TOP1: variants seen among roughly 807,000 people sequenced by gnomAD.
TOP1 encodes the protein DNA topoisomerase 1.
Under a neutral mutation model 111.1 loss-of-function variants are expected in TOP1, and 10 were observed. The ratio of observed to expected loss-of-function variants is 0.09; its 90% CI spans 0.06 to 0.15. The LOEUF is 0.15. TOP1 is among the 10% of genes least tolerant of loss of function. The pLI, the probability that TOP1 is intolerant of heterozygous loss-of-function variation, is 1.00. For synonymous variants in TOP1, 271 were observed against 302.9 expected (o/e 0.89, Z 1.10); for missense variants, 474 against 926.7 (o/e 0.51, Z 6.34).
rs901175602 is a variant in TOP1, at chr20:41,071,167, A to T, written c.156-5004A>T. ...GAAACAGTGCTTCGCCAGAAGGGAG[A>T]CATTGTTCCCTACTGGCTCCCTACT... is the stretch of plus-strand genomic sequence containing the variant. On this transcript the variant is annotated intron_variant, in intron 3 of 20. Coordinates refer to ENST00000361337, the MANE Select transcript of TOP1 (RefSeq NM_003286.4). This position sits in a 1 kb window ranked among gnomAD's most constrained non-coding sequence, Gnocchi z 4.3. Among the ~76,000 whole-genome samples the T allele has an allele frequency of 2.6e-5, 4 of 151,874 alleles. No individual in the cohort carries two copies. Among genetic ancestry groups the T allele is most frequent in the African/African-American group, 9.7e-5 (4 of 41,296 alleles).
At chr20:41,089,315 C>G (rs771143895) in intron 8 of TOP1, among the ~76,000 whole-genome samples, 1 of 152,112 alleles carries the variant, frequency 6.6e-6, no homozygotes, top group African/African-American at 2.4e-5. Context: ...CGTGAGCCAC[C>G]GTGCCCAGCC....
intron 9 of TOP1, among the ~76,000 whole-genome samples, chr20:41,096,776 A>G (rs867421841): frequency 3.9e-5 from 6 of 152,184 alleles, no homozygotes; most frequent in Non-Finnish European, 8.8e-5. Flanking sequence ...TTTCCCCACA[A>G]TTCCTTTCTT....
In TOP1 at chr20:41,123,362, A is replaced by G; in HGVS notation, c.*65A>G. On this transcript the variant is annotated 3_prime_UTR_variant, in exon 21 of 21. Coordinates refer to ENST00000361337, the MANE Select transcript of TOP1 (RefSeq NM_003286.4). The surrounding 1 kb of genome is among the most constrained non-coding windows in gnomAD (Gnocchi z 5.8). ...TGGTTTGGGAAAGATGGATAAACTG[A>G]GCCTCACTTGCCCTCGTGCCTGGGG... 1.6e-6 allele frequency: 2 copies of G among 1,237,324 alleles called. 1 individual carries two copies. The highest frequency in any genetic ancestry group is 2.5e-5 in the South Asian group (2 of 80,302). The allele number at this position is 1,237,324 out of a possible 1,614,324, so 76.6% of individuals were successfully genotyped here. A position where few individuals can be genotyped will look rare whatever the true frequency, so the allele number is the denominator to read the frequency against.
intron 17 of TOP1, among the ~76,000 whole-genome samples, chr20:41,117,297 C>T (rs1000191089): frequency 2.7e-5 from 4 of 150,792 alleles, no homozygotes; most frequent in Non-Finnish European, 4.4e-5. Flanking sequence ...ACCATACCAC[C>T]GCACTCCAGC....
Position 41,028,917 on chromosome 20 carries a change from C to A in TOP1, c.-151C>A. On this transcript the variant is annotated 5_prime_UTR_variant, in exon 1 of 21. Transcript: ENST00000361337. Reference sequence around the variant, plus strand: ...GTCGCCGCCGTGGTAGCAGCCTCAGCCGTTTCTGGAGTCTCGGGCCCACAG... The same window carrying A: ...GTCGCCGCCGTGGTAGCAGCCTCAGACGTTTCTGGAGTCTCGGGCCCACAG... 1.6e-6 allele frequency: 1 copy of A among 622,226 alleles called. No individual in the cohort carries two copies. Among genetic ancestry groups the A allele is most frequent in the Non-Finnish European group, 2.8e-6 (1 of 362,270 alleles). 38.5% of individuals were successfully genotyped at this position (622,226 alleles called of 1,614,324 possible).
intron 2 of TOP1, among the ~76,000 whole-genome samples, chr20:41,042,565 C>T (rs1164378335): frequency 6.6e-6 from 1 of 152,216 alleles, no homozygotes; most frequent in Non-Finnish European, 1.5e-5. Context: ...GTGGAGCTCA[C>T]TGCCTTTAGA....
intron 3 of TOP1, chr20:41,073,098 T>C: frequency 1.0e-6 from 1 of 985,374 alleles, no homozygotes; most frequent in Non-Finnish European, 1.2e-6. Flanking sequence ...TCATTTGCCT[T>C]GTCATTTGTT....
At position 41,029,538 on chromosome 20, in the gene TOP1, C is replaced by T. The variant is rs1220664143; in HGVS notation, c.58+83C>T. 9.0e-7 allele frequency: 1 copy of T among 1,116,026 alleles called. No homozygotes were observed. Among genetic ancestry groups the T allele is most frequent in the East Asian group, 2.6e-5 (1 of 38,770 alleles). The allele number at this position is 1,116,026 out of a possible 1,614,324, so 69.1% of individuals were successfully genotyped here. ...CGCCCTGCCGGTGCCGGGCAGAGGACAGACATGGCGTCCCAGAGACTAAGT... is the reference window on the plus strand; with the variant it reads ...CGCCCTGCCGGTGCCGGGCAGAGGATAGACATGGCGTCCCAGAGACTAAGT... On this transcript the variant is annotated intron_variant, in intron 2 of 20. Transcript: ENST00000361337. The surrounding 1 kb of genome is among the most constrained non-coding windows in gnomAD (Gnocchi z 6.1).
rs773155066 is a variant in TOP1, at chr20:41,061,399, CATAAACACAAAG to C, written c.79_90del (p.Lys27_Asp30del). The C allele has an allele frequency of 1.5e-5, 24 of 1,613,470 alleles. No homozygotes were observed. Among genetic ancestry groups the C allele is most frequent in the African/African-American group, 2.7e-5 (2 of 74,878 alleles). ...CTCATCTCTTATGGTTGCAGATTCT[CATAAACACAAAG>C]ATAAACACAAAGATCGAGAACACCG... is the stretch of plus-strand genomic sequence containing the variant. On this transcript the variant is annotated inframe_deletion, in exon 3 of 21. Coordinates refer to ENST00000361337, the MANE Select transcript of TOP1 (RefSeq NM_003286.4). The surrounding 1 kb of genome is among the most constrained non-coding windows in gnomAD (Gnocchi z 4.6).
Position 41,112,638 on chromosome 20 carries a change from C to A in TOP1, c.1309-144C>A. The stretch of plus-strand genomic sequence containing the variant: ...CTTGGCTCACTGCAACCTCTGCCTC[C>A]TGCGTTCAAGCAATTCTTGTGTCTT... On this transcript the variant is annotated intron_variant, in intron 13 of 20. Coordinates refer to ENST00000361337, the MANE Select transcript of TOP1 (RefSeq NM_003286.4). This position sits in a 1 kb window ranked among gnomAD's most constrained non-coding sequence, Gnocchi z 5.8. 1 of 823,748 alleles carries A rather than the reference C, an allele frequency of 1.2e-6. No individual in the cohort carries two copies. Among genetic ancestry groups the A allele is most frequent in the Non-Finnish European group, 1.9e-6 (1 of 530,196 alleles). The allele number at this position is 823,748 out of a possible 1,614,324, so 51.0% of individuals were successfully genotyped here. A position where few individuals can be genotyped will look rare whatever the true frequency, so the allele number is the denominator to read the frequency against.
rs1181777004 is a variant in TOP1 at position 41,028,896 on chromosome 20, C to G, written c.-172C>G. The G allele has an allele frequency of 1.4e-5, 8 of 573,152 alleles. No individual in the cohort carries two copies. The highest frequency in any genetic ancestry group is 6.0e-5 in the African/African-American group (3 of 50,346). The allele number at this position is 573,152 out of a possible 1,614,324, so 35.5% of individuals were successfully genotyped here. On this transcript the variant is annotated 5_prime_UTR_variant, in exon 1 of 21. Coordinates refer to ENST00000361337, the MANE Select transcript of TOP1 (RefSeq NM_003286.4). ...CCCGCCCGGCAGTCAGGCAGCGTCG[C>G]CGCCGTGGTAGCAGCCTCAGCCGTT...
rs1568688237 is a variant in TOP1 at position 41,080,567 on chromosome 20, GT to G, written c.431+388del. Reference sequence around the variant, plus strand: ...CAGACATTCTAAGTGAAGTTTCAGTGTGTAAAAATAATAAAACTGCTCATAA... The same window carrying G: ...CAGACATTCTAAGTGAAGTTTCAGTGGTAAAAATAATAAAACTGCTCATAA... On this transcript the variant is annotated intron_variant, in intron 6 of 20. Transcript: ENST00000361337. The surrounding 1 kb of genome is among the most constrained non-coding windows in gnomAD (Gnocchi z 5.0). Among the ~76,000 whole-genome samples, 2 of 152,266 alleles carry G rather than the reference GT, an allele frequency of 1.3e-5. No homozygotes were observed. Among genetic ancestry groups the G allele is most frequent in the East Asian group, 3.9e-4 (2 of 5,190 alleles).
At chr20:41,040,327 A>G (rs2033245885) in intron 2 of TOP1, among the ~76,000 whole-genome samples, 1 of 152,258 alleles carries the variant, frequency 6.6e-6, no homozygotes, top group Non-Finnish European at 1.5e-5. Flanking sequence ...TGCCTTAATC[A>G]TACAGTCAGT....
Position 41,076,159 on chromosome 20 carries a change from A to C in TOP1, c.156-12A>C. 1 of 1,605,126 alleles carries C rather than the reference A, an allele frequency of 6.2e-7. No homozygotes were observed. Among genetic ancestry groups the C allele is most frequent in the Non-Finnish European group, 8.5e-7 (1 of 1,176,828 alleles). ...ACTCTGGGCTAACGCTTTGTGACTT[A>C]ACTTTTTACAGTGAACATAAAGATT... is the stretch of plus-strand genomic sequence containing the variant. On this transcript the variant is annotated splice_polypyrimidine_tract_variant and intron_variant, in intron 3 of 20. Coordinates refer to ENST00000361337, the MANE Select transcript of TOP1 (RefSeq NM_003286.4).
intron 2 of TOP1, among the ~76,000 whole-genome samples, chr20:41,044,641 GC>G (rs1438017172): frequency 1.3e-4 from 20 of 152,244 alleles, no homozygotes; most frequent in African/African-American, 4.3e-4. Flanking sequence ...TGACTGGGCT[GC>G]AATAGGCAGA....
intron 2 of TOP1, among the ~76,000 whole-genome samples, chr20:41,045,128 G>A (rs765813160): frequency 3.6e-4 from 55 of 151,992 alleles, no homozygotes; most frequent in Admixed American, 3.9e-4. Flanking sequence ...GTGGTAAGTG[G>A]GACCAAAGAA....
rs2034307640 is a variant in TOP1 at position 41,115,100 on chromosome 20, A to G, written c.1639-271A>G. ...ATTATAAGTAAGTACTTATAAATGT[A>G]CTTTAGGACCATATTATAAGTAAGT... On this transcript the variant is annotated intron_variant, in intron 15 of 20. Coordinates refer to ENST00000361337, the MANE Select transcript of TOP1 (RefSeq NM_003286.4). The surrounding 1 kb of genome is among the most constrained non-coding windows in gnomAD (Gnocchi z 6.3). Among the ~76,000 whole-genome samples the G allele has an allele frequency of 6.6e-6, 1 of 152,194 alleles. No individual in the cohort carries two copies. Among genetic ancestry groups the G allele is most frequent in the Non-Finnish European group, 1.5e-5 (1 of 68,034 alleles).
At position 41,102,446 on chromosome 20, in the gene TOP1, C is replaced by T. The variant is rs2034078793; in HGVS notation, c.1308+1093C>T. ...ACAACATGGCGAAACCCTGTCTCTA[C>T]TAAAAATACAAAAATTAGCCAGGCG... On this transcript the variant is annotated intron_variant, in intron 13 of 20. Coordinates refer to ENST00000361337, the MANE Select transcript of TOP1 (RefSeq NM_003286.4). This position sits in a 1 kb window ranked among gnomAD's most constrained non-coding sequence, Gnocchi z 4.0. Among the ~76,000 whole-genome samples, 1 of 152,080 alleles carries T rather than the reference C, an allele frequency of 6.6e-6. No homozygotes were observed. The highest frequency in any genetic ancestry group is 2.4e-5 in the African/African-American group (1 of 41,424).
At chr20:41,074,969 A>G (rs187223602) in intron 3 of TOP1, among the ~76,000 whole-genome samples, 15 of 152,264 alleles carry the variant, frequency 9.9e-5, no homozygotes, top group Non-Finnish European at 2.1e-4. Flanking sequence ...TTATTTTATT[A>G]TATTCCTTTT....
Sources: allele counts gnomAD v4.1 joint callset (sites outside exome capture counted in the v4.1 genomes callset), GRCh38; gene constraint gnomAD v4.1.1; non-coding constraint Gnocchi (gnomAD v3.1); transcripts MANE v1.5; gene names NCBI Gene and HGNC (gene_info 2026-07-23, HGNC 2026-07-21).